The following GNB4 variants were observed in gnomAD, a reference collection of about 807,000 sequenced individuals.
GNB4 encodes G protein subunit beta 4.
Under a neutral mutation model 45.2 loss-of-function variants are expected in GNB4, and 28 were observed. That is an observed-to-expected ratio of 0.62 (90% confidence interval 0.46 to 0.85). GNB4 has a LOEUF of 0.85. Among genes scored for constraint, GNB4 ranks in the 40% least tolerant of loss-of-function variants. The pLI is 0.00. For missense variants in GNB4, 321 were observed against 425.4 expected, an observed-to-expected ratio of 0.75 and a Z score of 2.16; for synonymous variants, 132 against 143.7, an observed-to-expected ratio of 0.92 and a Z score of 0.58.
At chr3:179,476,186 A>T in the GNB4 span, among the ~76,000 whole-genome samples, 1 of 152,230 alleles carries the variant, frequency 6.6e-6, no homozygotes, top group Non-Finnish European at 1.5e-5. Flanking sequence ...ACAGGCATAG[A>T]ATAGACGTTC....
chr3:179,450,899 T>G (rs993224301), intron 1 of GNB4: 1 of 152,208 alleles, frequency 6.6e-6, no homozygotes, highest in African/African-American at 2.4e-5. Flanking sequence ...CGTAGAACTT[T>G]TATGAGTCTT....
the GNB4 span, among the ~76,000 whole-genome samples, chr3:179,466,213 G>T: frequency 0.022 from 3,337 of 152,010 alleles, 55 homozygotes; most frequent in Non-Finnish European, 0.036. Flanking sequence ...GTTTCATCAA[G>T]TTGGCCGGAC....
At chr3:179,522,379 G>C in the GNB4 span, among the ~76,000 whole-genome samples, 1 of 151,850 alleles carries the variant, frequency 6.6e-6, no homozygotes, top group Admixed American at 6.6e-5. Flanking sequence ...ATCTCCCTTC[G>C]CTGATTCTCT....
At chr3:179,431,611 GT>G (rs1338366122) in intron 1 of GNB4, among the ~76,000 whole-genome samples, 2 of 150,682 alleles carry the variant, frequency 1.3e-5, no homozygotes, top group South Asian at 4.2e-4. Flanking sequence ...ACCCCAATCT[GT>G]TTACTTCTTA....
In GNB4 at chr3:179,397,138, T is replaced by C. The variant is rs1372624654; in HGVS notation, c.*4075A>G. On this transcript the variant is annotated 3_prime_UTR_variant, in exon 10 of 10. Transcript: ENST00000232564. Reference sequence around the variant, plus strand: ...AAGAACATCGTCACTATTAAAATGATGACAGGCCCAAATGGGGGATTGTTT... The same window carrying C: ...AAGAACATCGTCACTATTAAAATGACGACAGGCCCAAATGGGGGATTGTTT... 2.0e-5 allele frequency: 3 copies of C among 152,236 alleles called. No homozygotes were observed. Among genetic ancestry groups the C allele is most frequent in the Non-Finnish European group, 2.9e-5 (2 of 68,032 alleles). 9.4% of individuals were successfully genotyped at this position (152,236 alleles called of 1,614,324 possible). A position where few individuals can be genotyped will look rare whatever the true frequency, so the allele number is the denominator to read the frequency against.
the GNB4 span, among the ~76,000 whole-genome samples, chr3:179,523,331 C>T: frequency 6.6e-6 from 1 of 151,978 alleles, no homozygotes; most frequent in African/African-American, 2.4e-5. Flanking sequence ...TGATGGGTGT[C>T]AGGGTCAGTC....
chr3:179,419,432 T>TATTA lies in GNB4; in HGVS notation c.169_170insTAAT (p.Lys57IlefsTer29), dbSNP rs767981065. On this transcript the variant is annotated frameshift_variant, in exon 4 of 10. Coordinates refer to ENST00000232564, the MANE Select transcript of GNB4 (RefSeq NM_021629.4). LOFTEE classifies it high-confidence loss of function. ...GTATCCCCAATGCATAGCATAGATT[T>TATTA]TAGCTAGGTGGCCCCTCAGTGTACG... The TATTA allele has an allele frequency of 6.2e-7, 1 of 1,612,446 alleles. No homozygotes were observed. Among genetic ancestry groups the TATTA allele is most frequent in the Non-Finnish European group, 8.5e-7 (1 of 1,178,470 alleles).
the GNB4 span, among the ~76,000 whole-genome samples, chr3:179,508,930 G>GTATATATATATAAATATATA: frequency 2.1e-5 from 1 of 47,126 alleles, no homozygotes; most frequent in South Asian, 8.7e-4. Flanking sequence ...CTTTCAGCAT[G>GTATATATATATAAATATATA]TGTATATATA....
chr3:179,439,519 C>G lies in GNB4; in HGVS notation c.-43+11827G>C, dbSNP rs559875632. 3.3e-5 allele frequency among the ~76,000 whole-genome samples: 5 copies of G among 152,242 alleles called. No individual in the cohort carries two copies. The South Asian group carries it at 1.0e-3, about 32-fold the overall frequency. ...CCCCTGAAGAAATCCTTGTGGGCCC[C>G]GAGATCTCTACCCTAAAGCAGTTCT... On this transcript the variant is annotated intron_variant, in intron 1 of 9. Transcript: ENST00000232564.
rs1435365068 is a variant in GNB4 at position 179,398,121 on chromosome 3, T to C, written c.*3092A>G. The C allele has an allele frequency of 6.6e-6, 1 of 152,182 alleles. No homozygotes were observed. Among genetic ancestry groups the C allele is most frequent in the African/African-American group, 2.4e-5 (1 of 41,426 alleles). The allele number at this position is 152,182 out of a possible 1,614,324, so 9.4% of individuals were successfully genotyped here. On this transcript the variant is annotated 3_prime_UTR_variant, in exon 10 of 10. Transcript: ENST00000232564. Reference sequence around the variant, plus strand: ...GAAAAGAATATGTATCTCTAAAATATTCTTGCCAGATCTCAAAAAACTACT... The same window carrying C: ...GAAAAGAATATGTATCTCTAAAATACTCTTGCCAGATCTCAAAAAACTACT...
At chr3:179,517,491 C>T in the GNB4 span, among the ~76,000 whole-genome samples, 14 of 152,212 alleles carry the variant, frequency 9.2e-5, no homozygotes, top group Admixed American at 2.0e-4. Context: ...ATTTTGGTGC[C>T]GTGACTCGGA....
the GNB4 span, among the ~76,000 whole-genome samples, chr3:179,494,952 A>C: frequency 2.6e-5 from 4 of 151,836 alleles, no homozygotes; most frequent in Non-Finnish European, 5.9e-5. Flanking sequence ...AAGGAAAAAA[A>C]ATCACTGAAA....
chr3:179,524,107 G>A, the GNB4 span, among the ~76,000 whole-genome samples: 1 of 152,330 alleles, frequency 6.6e-6, no homozygotes, highest in Admixed American at 6.5e-5. Context: ...TTAAGAAGGG[G>A]ACGGACTTAC....
chr3:179,434,698 G>A (rs781375771), intron 1 of GNB4, among the ~76,000 whole-genome samples: 4 of 151,602 alleles, frequency 2.6e-5, no homozygotes, highest in Non-Finnish European at 5.9e-5. Flanking sequence ...TCCAGCCTGG[G>A]CAACAGAGCA....
intron 1 of GNB4, among the ~76,000 whole-genome samples, chr3:179,434,723 TAA>T (rs879820800): frequency 7.4e-6 from 1 of 135,642 alleles, no homozygotes. Context: ...TCTGTCTCAT[TAA>T]AAAAAAAAAA....
intron 1 of GNB4, among the ~76,000 whole-genome samples, chr3:179,428,615 A>C (rs1465180204): frequency 6.6e-6 from 1 of 152,176 alleles, no homozygotes; most frequent in Non-Finnish European, 1.5e-5. Context: ...AAAACACTAG[A>C]AAGAACTATC....
chr3:179,468,027 T>G, the GNB4 span, among the ~76,000 whole-genome samples: 2 of 102,888 alleles, frequency 1.9e-5, no homozygotes, highest in African/African-American at 6.5e-5. Context: ...GATCATTTTG[T>G]TGATAAAAAT....
the GNB4 span, among the ~76,000 whole-genome samples, chr3:179,462,221 T>C: frequency 1.3e-5 from 2 of 152,112 alleles, no homozygotes; most frequent in African/African-American, 4.8e-5. Flanking sequence ...CAGTGTCTCA[T>C]ACAGAGACCA....
At chr3:179,408,489 GA>G (rs201246468) in intron 8 of GNB4, among the ~76,000 whole-genome samples, 1 of 151,430 alleles carries the variant, frequency 6.6e-6, no homozygotes, top group African/African-American at 2.4e-5. Flanking sequence ...AGAGGAGACA[GA>G]AAAAAAAATC....
Sources: gnomAD v4.1 joint callset for allele counts (sites outside exome capture counted in the v4.1 genomes callset) on GRCh38, gnomAD v4.1.1 for gene constraint, MANE v1.5 for transcripts, NCBI Gene and HGNC (gene_info 2026-07-23, HGNC 2026-07-21) for gene names.